Variants in CFAP44 observed in about 807,000 individuals in gnomAD.
CFAP44 encodes the protein cilia- and flagella-associated protein 44.
In CFAP44, 134 loss-of-function variants were observed where a neutral mutation model predicts 216.2. The observed-to-expected ratio is 0.62, with a 90% CI of 0.54 to 0.72. CFAP44 has a LOEUF of 0.72. Ranked by LOEUF, CFAP44 falls within the 30% of genes least tolerant of loss-of-function variation. CFAP44 has a pLI of 0.00. For synonymous variants in CFAP44, 700 were observed against 727.6 expected, an observed-to-expected ratio of 0.96 and a Z score of 0.61; for missense variants, 2,035 against 2,182.1, an observed-to-expected ratio of 0.93 and a Z score of 1.34.
chr3:113,408,970 CAT>C, intron 7 of CFAP44, 134 bp downstream of exon 7: 1 of 461,606 alleles, frequency 2.2e-6, no homozygotes, highest in Non-Finnish European at 3.4e-6. Context: ...TTTAAAATAA[CAT>C]ATTTTTAAAT....
chr3:113,303,216 C>A (rs76438632), intron 32 of CFAP44, among the ~76,000 whole-genome samples: 5,091 of 152,134 alleles, frequency 0.033, 258 homozygotes, highest in African/African-American at 0.11. Flanking sequence ...CCTCTGTAAC[C>A]CAGAGACCCA....
intron 22 of CFAP44, among the ~76,000 whole-genome samples, chr3:113,353,202 C>T (rs1056472247): frequency 2.6e-5 from 4 of 151,956 alleles, no homozygotes; most frequent in African/African-American, 9.7e-5. Flanking sequence ...GCACAGGTGG[C>T]TCCTGGTCTC....
intron 22 of CFAP44, among the ~76,000 whole-genome samples, chr3:113,355,044 G>C (rs988412049): frequency 7.2e-5 from 11 of 152,142 alleles, no homozygotes; most frequent in Non-Finnish European, 1.5e-5. Context: ...CCAACCTGGA[G>C]CCCGGTAGCT....
intron 7 of CFAP44, 85 bp downstream of exon 7, chr3:113,409,021 A>G (rs1051523425): frequency 1.2e-6 from 1 of 820,158 alleles, no homozygotes; most frequent in Admixed American, 3.5e-5. Context: ...AAAAAAAAAA[A>G]AAAAAAAAGT....
intron 15 of CFAP44, among the ~76,000 whole-genome samples, chr3:113,388,021 CCACAGTAGAATAGAA>C (rs2107345680): frequency 6.6e-6 from 1 of 152,144 alleles, no homozygotes; most frequent in African/African-American, 2.4e-5. Context: ...GCCAGTTCAG[CCACAGTAGAATAGAA>C]CACCAGGCAA....
chr3:113,382,405 A>C (rs745839989), intron 15 of CFAP44, among the ~76,000 whole-genome samples: 2 of 152,226 alleles, frequency 1.3e-5, no homozygotes, highest in Non-Finnish European at 2.9e-5. Context: ...TGAGACTAGA[A>C]GTCAGGTAAG....
intron 15 of CFAP44, 95 bp downstream of exon 15, chr3:113,395,655 G>T (rs1353808568): frequency 3.7e-6 from 4 of 1,074,970 alleles, no homozygotes; most frequent in Middle Eastern, 2.5e-4. Context: ...AACCAGGAGT[G>T]GGCTAAAAAT....
intron 18 of CFAP44, among the ~76,000 whole-genome samples, chr3:113,370,964 T>A (rs189629378): frequency 1.3e-5 from 2 of 152,088 alleles, no homozygotes; most frequent in Admixed American, 1.3e-4. Flanking sequence ...AAATCATGAG[T>A]GAACTCCCAT....
At chr3:113,339,900 G>C (rs930446490) in intron 24 of CFAP44, among the ~76,000 whole-genome samples, 2 of 152,208 alleles carry the variant, frequency 1.3e-5, no homozygotes, top group Non-Finnish European at 2.9e-5. Context: ...GAGAGAGTCT[G>C]GGGGAAGAAC....
At chr3:113,309,785 G>T (rs892552149) in intron 28 of CFAP44, among the ~76,000 whole-genome samples, 1 of 152,214 alleles carries the variant, frequency 6.6e-6, no homozygotes, top group Admixed American at 6.5e-5. Context: ...GAACAACACT[G>T]TGGCGAGTTC....
At chr3:113,340,421 GAGCC>G (rs1950321159) in intron 24 of CFAP44, among the ~76,000 whole-genome samples, 1 of 152,208 alleles carries the variant, frequency 6.6e-6, no homozygotes, top group Admixed American at 6.5e-5. Flanking sequence ...AAGAGAAACA[GAGCC>G]TCTTACCCAC....
intron 7 of CFAP44, 107 bp from the exon 8 acceptor site, chr3:113,407,148 TCATTC>T: frequency 1.2e-6 from 1 of 820,486 alleles, no homozygotes; most frequent in Non-Finnish European, 2.0e-6. Flanking sequence ...ATTATTTCAT[TCATTC>T]ATTCATTTAT....
At chr3:113,440,174 G>C (rs1474401765) in intron 1 of CFAP44, among the ~76,000 whole-genome samples, 1 of 151,936 alleles carries the variant, frequency 6.6e-6, no homozygotes, top group Non-Finnish European at 1.5e-5. Flanking sequence ...AGCGATTCTC[G>C]TGCCTCAGCC....
intron 32 of CFAP44, among the ~76,000 whole-genome samples, chr3:113,302,506 C>T (rs1949946701): frequency 6.8e-6 from 1 of 146,516 alleles, no homozygotes; most frequent in South Asian, 2.1e-4. Context: ...TGGCTCTCGC[C>T]TGTAATCCCA....
intron 8 of CFAP44, among the ~76,000 whole-genome samples, chr3:113,405,202 A>T (rs1452202109): frequency 6.6e-6 from 1 of 152,058 alleles, no homozygotes; most frequent in African/African-American, 2.4e-5. Flanking sequence ...GGGTCTACCT[A>T]TTTTTTAACA....
intron 24 of CFAP44, among the ~76,000 whole-genome samples, chr3:113,336,918 G>A (rs1950286423): frequency 6.6e-6 from 1 of 151,770 alleles, no homozygotes; most frequent in Non-Finnish European, 1.5e-5. Context: ...GGAACAAAGT[G>A]TGGATGCTAG....
intron 22 of CFAP44, among the ~76,000 whole-genome samples, chr3:113,357,752 T>A (rs1264210361): frequency 6.6e-6 from 1 of 152,052 alleles, no homozygotes; most frequent in Non-Finnish European, 1.5e-5. Flanking sequence ...AACTGAAGAG[T>A]GTAAATTTTC....
intron 6 of CFAP44, among the ~76,000 whole-genome samples, chr3:113,415,550 C>T (rs1934622084): frequency 6.6e-6 from 1 of 152,146 alleles, no homozygotes; most frequent in Non-Finnish European, 1.5e-5. Context: ...CCTAGAGATT[C>T]TGGTATATCC....
Position 113,288,379 on chromosome 3 carries a change from A to T in CFAP44, c.*3178T>A, listed in dbSNP as rs531923706. On this transcript the variant is annotated 3_prime_UTR_variant, in exon 35 of 35. Transcript: ENST00000393845. ...TTTTCAGGAAAGCAGTATTTTAAAA[A>T]TATTATTTAAAAGGAAGGACTGTAA... The T allele has an allele frequency of 2.0e-5, 3 of 152,348 alleles. No individual in the cohort carries two copies. Among genetic ancestry groups the T allele is most frequent in the African/African-American group, 7.2e-5 (3 of 41,570 alleles). 9.4% of individuals were successfully genotyped at this position (152,348 alleles called of 1,614,324 possible).
Sources: gnomAD v4.1 joint callset for allele counts (sites outside exome capture counted in the v4.1 genomes callset) on GRCh38, gnomAD v4.1.1 for gene constraint, MANE v1.5 for transcripts, NCBI Gene and HGNC (gene_info 2026-07-23, HGNC 2026-07-21) for gene names.